ERBB4: variants seen among roughly 807,000 people sequenced by gnomAD.
The protein encoded by ERBB4 is receptor tyrosine-protein kinase erbB-4.
ERBB4 carries 42 observed loss-of-function variants against 158.0 expected under a neutral mutation model. The ratio of observed to expected loss-of-function variants is 0.27; its 90% CI spans 0.21 to 0.34. ERBB4 has a LOEUF of 0.34. ERBB4 is among the 10% of genes least tolerant of loss of function. The pLI, the probability that ERBB4 is intolerant of heterozygous loss-of-function variation, is 1.00. For missense variants in ERBB4, 1,333 were observed against 1,624.1 expected (o/e 0.82, Z 3.08); for synonymous variants, 583 against 558.7 (o/e 1.04, Z -0.61).
At chr2:211,530,013 G>A (rs2066452290) in intron 20 of ERBB4, among the ~76,000 whole-genome samples, 1 of 151,846 alleles carries the variant, frequency 6.6e-6, no homozygotes, top group Non-Finnish European at 1.5e-5. Context: ...GAATCAGACA[G>A]GAAAAATAAA....
chr2:212,296,210 T>C (rs2086405075), intron 1 of ERBB4, among the ~76,000 whole-genome samples: 1 of 151,940 alleles, frequency 6.6e-6, no homozygotes, highest in Non-Finnish European at 1.5e-5. Flanking sequence ...GTGTTCAGAC[T>C]TGATGAAGAC....
chr2:211,590,340 A>G (rs996942058), intron 19 of ERBB4, among the ~76,000 whole-genome samples: 14 of 152,194 alleles, frequency 9.2e-5, no homozygotes, highest in African/African-American at 3.1e-4. Context: ...TGGGGACTAG[A>G]CTGCTAACAT....
chr2:212,422,912 G>C (rs2091828345), intron 1 of ERBB4, among the ~76,000 whole-genome samples: 1 of 152,048 alleles, frequency 6.6e-6, no homozygotes, highest in South Asian at 2.1e-4. Flanking sequence ...ATTTTCAATG[G>C]GAAGTATATA....
intron 2 of ERBB4, among the ~76,000 whole-genome samples, chr2:212,059,305 T>C (rs1467429856): frequency 1.3e-5 from 2 of 152,164 alleles, no homozygotes; most frequent in Non-Finnish European, 2.9e-5. Flanking sequence ...TACAAACAAA[T>C]GGAAGAACAT....
chr2:211,671,676 T>G (rs1249499611), intron 14 of ERBB4, among the ~76,000 whole-genome samples: 1 of 152,178 alleles, frequency 6.6e-6, no homozygotes, highest in East Asian at 1.9e-4. Context: ...ATTTTAATTA[T>G]ACATTTTGAA....
chr2:211,382,573 A>T lies in ERBB4; in HGVS notation c.*1042T>A, dbSNP rs2062590924. On this transcript the variant is annotated 3_prime_UTR_variant, in exon 28 of 28. Transcript: ENST00000342788. Reference sequence around the variant, plus strand: ...AGTATCTGCCAGGTAGACATACCCAATCCAGTGTGTTTCTTCCAGTTCAAT... The same window carrying T: ...AGTATCTGCCAGGTAGACATACCCATTCCAGTGTGTTTCTTCCAGTTCAAT... 1 of 233,146 alleles carries T rather than the reference A, an allele frequency of 4.3e-6. No homozygotes were observed. The highest frequency in any genetic ancestry group is 6.1e-5 in the East Asian group (1 of 16,506). 14.4% of individuals were successfully genotyped at this position (233,146 alleles called of 1,614,324 possible).
At chr2:211,855,132 T>G (rs2077823484) in intron 3 of ERBB4, among the ~76,000 whole-genome samples, 1 of 152,118 alleles carries the variant, frequency 6.6e-6, no homozygotes, top group South Asian at 2.1e-4. Flanking sequence ...ATACAGTGGG[T>G]CTTTGGATAT....
intron 16 of ERBB4, among the ~76,000 whole-genome samples, chr2:211,638,180 T>C (rs1035610708): frequency 2.6e-5 from 4 of 151,964 alleles, no homozygotes; most frequent in Non-Finnish European, 5.9e-5. Flanking sequence ...TTTTAACTTA[T>C]ATGGGATTTC....
intron 3 of ERBB4, among the ~76,000 whole-genome samples, chr2:211,818,691 CAACTACAT>C (rs1210257928): frequency 2.6e-5 from 4 of 152,176 alleles, no homozygotes; most frequent in Non-Finnish European, 5.9e-5. Flanking sequence ...CACTAAAACT[CAACTACAT>C]ATTTCCATTA....
intron 3 of ERBB4, among the ~76,000 whole-genome samples, chr2:211,827,170 T>C (rs560741635): frequency 1.3e-5 from 2 of 152,108 alleles, no homozygotes; most frequent in South Asian, 4.1e-4. Flanking sequence ...CCATGCTCTA[T>C]CCGAAAATGA....
chr2:212,373,790 TATATATATCC>T (rs1297545544), intron 1 of ERBB4, among the ~76,000 whole-genome samples: 1 of 100,782 alleles, frequency 9.9e-6, no homozygotes, highest in Non-Finnish European at 2.3e-5. Flanking sequence ...TATATCCACG[TATATATATCC>T]ATATATATAT....
intron 19 of ERBB4, among the ~76,000 whole-genome samples, chr2:211,600,878 C>T (rs905463377): frequency 3.3e-5 from 5 of 152,050 alleles, no homozygotes; most frequent in African/African-American, 1.2e-4. Flanking sequence ...ACAGATTTCT[C>T]TCTGGAAAGA....
At chr2:212,455,900 G>A (rs1183948839) in intron 1 of ERBB4, among the ~76,000 whole-genome samples, 1 of 152,046 alleles carries the variant, frequency 6.6e-6, no homozygotes, top group African/African-American at 2.4e-5. Context: ...AAGGGACCAT[G>A]CTAGGTGCTG....
At chr2:212,470,005 A>G (rs1689036471) in intron 1 of ERBB4, among the ~76,000 whole-genome samples, 1 of 152,158 alleles carries the variant, frequency 6.6e-6, no homozygotes, top group South Asian at 2.1e-4. Flanking sequence ...ACTATAGCAC[A>G]TAGTAATCCT....
At chr2:212,359,199 T>C (rs570802591) in intron 1 of ERBB4, among the ~76,000 whole-genome samples, 1 of 151,596 alleles carries the variant, frequency 6.6e-6, no homozygotes, top group South Asian at 2.1e-4. Context: ...AATACTATTG[T>C]ATATATCTAA....
chr2:211,725,291 C>T, intron 5 of ERBB4, 97 bp from the exon 6 acceptor site: 1 of 894,748 alleles, frequency 1.1e-6, no homozygotes, highest in Non-Finnish European at 1.9e-6. Context: ...CTGTCTTTGA[C>T]TCAATTCAGC....
At position 211,825,571 on chromosome 2, in the gene ERBB4, A is replaced by T. The variant is rs1465819795; in HGVS notation, c.422-37412T>A. On this transcript the variant is annotated intron_variant, in intron 3 of 27. Transcript: ENST00000342788. ...ATCTAATTGTTCTGAGCATTTAGCA[A>T]TTCAGTCACTTTTATTAAATATCCA... Among the ~76,000 whole-genome samples, 6 of 151,652 alleles carry T rather than the reference A, an allele frequency of 4.0e-5. No individual in the cohort carries two copies. In the Admixed American group the frequency reaches 4.0e-4, roughly 10 times the overall value.
chr2:211,525,146 G>A (rs1437729664), intron 20 of ERBB4, among the ~76,000 whole-genome samples: 1 of 152,102 alleles, frequency 6.6e-6, no homozygotes, highest in Non-Finnish European at 1.5e-5. Flanking sequence ...AAGTCCTAGT[G>A]CTGAGCTACG....
intron 1 of ERBB4, among the ~76,000 whole-genome samples, chr2:212,137,922 C>T (rs151040295): frequency 1.8e-4 from 27 of 152,202 alleles, no homozygotes; most frequent in Middle Eastern, 6.8e-3. Context: ...ATCTGTCATT[C>T]GTTTATTCGT....
Sources: gnomAD v4.1 joint callset for allele counts (sites outside exome capture counted in the v4.1 genomes callset) on GRCh38, gnomAD v4.1.1 for gene constraint, MANE v1.5 for transcripts, NCBI Gene and HGNC (gene_info 2026-07-23, HGNC 2026-07-21) for gene names.